ZNG1E: variants seen among roughly 807,000 people sequenced by gnomAD.
ZNG1E encodes Zn regulated GTPase metalloprotein activator 1E.
At chr9:65,693,572 T>G in the ZNG1E span, 1 of 1,111,794 alleles carries the variant, frequency 9.0e-7, no homozygotes, top group African/African-American at 1.6e-5. Flanking sequence ...TTTTTTTTTT[T>G]TTTGAGACAG....
At chr9:65,662,859 T>G in the ZNG1E span, among the ~76,000 whole-genome samples, 221 of 152,084 alleles carry the variant, frequency 1.5e-3, no homozygotes, top group East Asian at 0.041. Context: ...AAAATTTTGA[T>G]TAAGCTTCAC....
At chr9:65,693,103 A>C in the ZNG1E span, among the ~76,000 whole-genome samples, 1 of 152,286 alleles carries the variant, frequency 6.6e-6, no homozygotes, top group Non-Finnish European at 1.5e-5. Flanking sequence ...GCACATCGTG[A>C]GCATGTACCC....
At chr9:65,728,431 C>T in the ZNG1E span, among the ~76,000 whole-genome samples, 1,470 of 148,018 alleles carry the variant, frequency 9.9e-3, 19 homozygotes, top group African/African-American at 0.035. Context: ...ATAAATGAAA[C>T]GAAAAGCTGG....
the ZNG1E span, among the ~76,000 whole-genome samples, chr9:65,684,274 T>G: frequency 1.3e-5 from 2 of 151,774 alleles, no homozygotes; most frequent in African/African-American, 4.8e-5. Context: ...TGGTGGCTCA[T>G]GCCTGTAATC....
At chr9:65,680,320 C>T in the ZNG1E span, among the ~76,000 whole-genome samples, 1 of 152,390 alleles carries the variant, frequency 6.6e-6, no homozygotes, top group East Asian at 1.9e-4. Context: ...TTTTAATAAA[C>T]TAAAGAGAAA....
chr9:65,691,765 T>C, the ZNG1E span, among the ~76,000 whole-genome samples: 839 of 150,330 alleles, frequency 5.6e-3, no homozygotes, highest in East Asian at 0.017. Context: ...TGAACACTTT[T>C]GGGCAATGAT....
the ZNG1E span, among the ~76,000 whole-genome samples, chr9:65,657,349 TA>T: frequency 2.0e-5 from 3 of 150,346 alleles, no homozygotes; most frequent in Non-Finnish European, 3.0e-5. Flanking sequence ...TAGATTTTTT[TA>T]AAATGTGGTA....
At chr9:65,666,189 G>A in the ZNG1E span, among the ~76,000 whole-genome samples, 2 of 150,566 alleles carry the variant, frequency 1.3e-5, no homozygotes, top group African/African-American at 4.9e-5. Context: ...GTTTGGCTGT[G>A]TCCCCACCCA....
At chr9:65,684,766 T>A in the ZNG1E span, among the ~76,000 whole-genome samples, 1 of 152,192 alleles carries the variant, frequency 6.6e-6, no homozygotes, top group Non-Finnish European at 1.5e-5. Flanking sequence ...AATAAGCCCT[T>A]CAGGTGATTC....
At chr9:65,691,700 C>T in the ZNG1E span, among the ~76,000 whole-genome samples, 1 of 152,174 alleles carries the variant, frequency 6.6e-6, no homozygotes, top group Non-Finnish European at 1.5e-5. Flanking sequence ...CATATTTTTG[C>T]TTTTATTTTC....
the ZNG1E span, among the ~76,000 whole-genome samples, chr9:65,705,821 T>A: frequency 1.9e-5 from 1 of 53,798 alleles, no homozygotes; most frequent in Non-Finnish European, 4.1e-5. Context: ...GAGCAAGGAG[T>A]TAGTGAAGGA....
the ZNG1E span, among the ~76,000 whole-genome samples, chr9:65,718,965 T>C: frequency 1.4e-3 from 112 of 82,210 alleles, 3 homozygotes; most frequent in Non-Finnish European, 2.2e-3. Flanking sequence ...TTTTTTTTTT[T>C]TTTTTTTGCT....
At chr9:65,667,145 T>C in the ZNG1E span, among the ~76,000 whole-genome samples, 6 of 152,266 alleles carry the variant, frequency 3.9e-5, no homozygotes, top group Non-Finnish European at 8.8e-5. Context: ...CCCAGGGATA[T>C]GAATAGCTAA....
the ZNG1E span, among the ~76,000 whole-genome samples, chr9:65,671,531 G>A: frequency 3.9e-5 from 6 of 152,220 alleles, no homozygotes; most frequent in Non-Finnish European, 8.8e-5. Flanking sequence ...CGTTGGCCAA[G>A]CTGATCTCAA....
the ZNG1E span, among the ~76,000 whole-genome samples, chr9:65,657,087 A>G: frequency 6.6e-6 from 1 of 151,952 alleles, no homozygotes; most frequent in Non-Finnish European, 1.5e-5. Flanking sequence ...ACTAACCAAG[A>G]CTATGCTGGG....
the ZNG1E span, among the ~76,000 whole-genome samples, chr9:65,702,403 AG>A: frequency 5.8e-3 from 870 of 151,022 alleles, 2 homozygotes; most frequent in African/African-American, 0.021. Context: ...GTATCAAAAG[AG>A]GGAGAATAGG....
At chr9:65,683,768 C>T in the ZNG1E span, among the ~76,000 whole-genome samples, 1 of 152,358 alleles carries the variant, frequency 6.6e-6, no homozygotes, top group Admixed American at 6.5e-5. Context: ...ACATCATCCC[C>T]ATGTTTTCAA....
the ZNG1E span, among the ~76,000 whole-genome samples, chr9:65,686,571 G>A: frequency 6.6e-6 from 1 of 152,044 alleles, no homozygotes; most frequent in Non-Finnish European, 1.5e-5. Context: ...GGGAGGCGGA[G>A]GTGGCAGTGA....
the ZNG1E span, among the ~76,000 whole-genome samples, chr9:65,687,287 T>C: frequency 0.055 from 7,530 of 136,554 alleles, 1 homozygote; most frequent in Admixed American, 0.068. Flanking sequence ...TTAATAGTTT[T>C]GGTGCTCATT....
Sources: gnomAD v4.1 joint callset for allele counts (sites outside exome capture counted in the v4.1 genomes callset) on GRCh38, gnomAD v4.1.1 for gene constraint, MANE v1.5 for transcripts, NCBI Gene and HGNC (gene_info 2026-07-23, HGNC 2026-07-21) for gene names.